SLC24A4: variants seen among roughly 807,000 people sequenced by gnomAD.
SLC24A4 encodes solute carrier family 24 member 4, also known as sodium/potassium/calcium exchanger 4.
Under a neutral mutation model 79.0 loss-of-function variants are expected in SLC24A4, and 53 were observed. The observed-to-expected ratio is 0.67, with a 90% CI of 0.54 to 0.84. The LOEUF is 0.84. Among genes scored for constraint, SLC24A4 ranks in the 40% least tolerant of loss-of-function variants. The probability of loss-of-function intolerance (pLI) is 0.00; values close to 1 mark genes in which losing one functional copy is unlikely to be tolerated. For missense variants in SLC24A4, 731 were observed against 822.0 expected (o/e 0.89, Z 1.35); for synonymous variants, 323 against 323.8 (o/e 1.00, Z 0.03).
chr14:92,416,060 G>A (rs1890964419), intron 2 of SLC24A4, among the ~76,000 whole-genome samples: 1 of 152,092 alleles, frequency 6.6e-6, no homozygotes, highest in Non-Finnish European at 1.5e-5. Flanking sequence ...AAACTCTGTG[G>A]AGATGTAGAG....
chr14:92,358,283 T>C (rs1887293005), intron 2 of SLC24A4, among the ~76,000 whole-genome samples: 1 of 152,176 alleles, frequency 6.6e-6, no homozygotes, highest in Admixed American at 6.5e-5. Context: ...AAAGAGCAAA[T>C]GGTGACCCAT....
intron 2 of SLC24A4, among the ~76,000 whole-genome samples, chr14:92,404,208 C>T (rs941366207): frequency 1.3e-5 from 2 of 152,214 alleles, no homozygotes; most frequent in Admixed American, 6.5e-5. Flanking sequence ...ATGCTACCAT[C>T]GTCTCTGGCT....
chr14:92,423,767 GGT>G (rs1891417435), intron 2 of SLC24A4, among the ~76,000 whole-genome samples: 1 of 152,236 alleles, frequency 6.6e-6, no homozygotes, highest in Admixed American at 6.5e-5. Context: ...GCAGGCTTCA[GGT>G]GTGCCCTGGG....
At chr14:92,489,530 G>A (rs990349416) in intron 14 of SLC24A4, among the ~76,000 whole-genome samples, 15 of 152,098 alleles carry the variant, frequency 9.9e-5, no homozygotes, top group South Asian at 2.1e-4. Context: ...GCTCTAACCC[G>A]AGGCACCATA....
intron 2 of SLC24A4, among the ~76,000 whole-genome samples, chr14:92,404,340 T>TA (rs1455867071): frequency 2.0e-5 from 3 of 152,216 alleles, no homozygotes; most frequent in Non-Finnish European, 2.9e-5. Flanking sequence ...TTTTTTTGCT[T>TA]AAACTGTCCA....
intron 3 of SLC24A4, among the ~76,000 whole-genome samples, chr14:92,438,959 C>A (rs1595280968): frequency 6.6e-6 from 1 of 152,182 alleles, no homozygotes; most frequent in African/African-American, 2.4e-5. Context: ...CCCCCAGCCA[C>A]CAGTCACCTC....
At chr14:92,405,508 T>C (rs4904893) in intron 2 of SLC24A4, among the ~76,000 whole-genome samples, 60,693 of 151,970 alleles carry the variant, frequency 0.4, 12,247 homozygotes, top group African/African-American at 0.43. Context: ...ACTGCTATAA[T>C]GAACCACCTG....
At chr14:92,474,871 T>A (rs1211289796) in intron 12 of SLC24A4, among the ~76,000 whole-genome samples, 32 of 73,110 alleles carry the variant, frequency 4.4e-4, no homozygotes, top group Non-Finnish European at 6.9e-4. Flanking sequence ...ATATTTTTTT[T>A]TTTTTTAGTA....
chr14:92,481,223 T>C (rs1895054265), intron 12 of SLC24A4, among the ~76,000 whole-genome samples: 1 of 152,244 alleles, frequency 6.6e-6, no homozygotes. Context: ...GCCCTGTGCA[T>C]GCTCATGGTC....
intron 2 of SLC24A4, among the ~76,000 whole-genome samples, chr14:92,361,380 A>G (rs1473045572): frequency 6.6e-6 from 1 of 151,944 alleles, no homozygotes; most frequent in Non-Finnish European, 1.5e-5. Context: ...GGCTTGGGAA[A>G]GTGCAAAGGA....
chr14:92,326,088 T>C lies in SLC24A4; in HGVS notation c.241+110T>C, dbSNP rs941645. On this transcript the variant is annotated intron_variant, in intron 2 of 16. Coordinates refer to ENST00000532405, the MANE Select transcript of SLC24A4 (RefSeq NM_153646.4). ...GAGCTGAGAAAGGTGGTTTATGGAC[T>C]TGAGTGGGAAAGGGTGGCCATGAGG... 681,138 of 690,984 alleles carry C rather than the reference T, an allele frequency of 0.99. 336,298 individuals are homozygous for C. Among genetic ancestry groups the C allele is most frequent in the East Asian group, 1 (36,252 of 36,252 alleles). 42.8% of individuals were successfully genotyped at this position (690,984 alleles called of 1,614,324 possible).
At chr14:92,473,367 G>A (rs1255583145) in intron 12 of SLC24A4, among the ~76,000 whole-genome samples, 4 of 152,226 alleles carry the variant, frequency 2.6e-5, no homozygotes, top group African/African-American at 7.2e-5. Context: ...AGGATGAGGA[G>A]GCCAAGGCCC....
chr14:92,454,426 A>G (rs1893335707), intron 11 of SLC24A4, among the ~76,000 whole-genome samples: 1 of 152,256 alleles, frequency 6.6e-6, no homozygotes, highest in Admixed American at 6.5e-5. Context: ...GAACAACTCC[A>G]GAAGGAAATC....
intron 12 of SLC24A4, among the ~76,000 whole-genome samples, chr14:92,469,882 A>C (rs1343365116): frequency 3.9e-5 from 6 of 152,168 alleles, no homozygotes; most frequent in Non-Finnish European, 2.9e-5. Context: ...ACAGAAAATT[A>C]ATTAGTGGTT....
chr14:92,421,919 T>C (rs1325614656), intron 2 of SLC24A4, among the ~76,000 whole-genome samples: 7 of 152,224 alleles, frequency 4.6e-5, no homozygotes, highest in African/African-American at 1.7e-4. Flanking sequence ...GGGCAGCCGT[T>C]TAGAATTCCT....
intron 6 of SLC24A4, 144 bp from the exon 7 acceptor site, chr14:92,443,256 T>TATAAC: frequency 1.3e-6 from 1 of 743,930 alleles, no homozygotes; most frequent in Non-Finnish European, 2.3e-6. Context: ...TTCCCCAAAT[T>TATAAC]ATAACAAAGA....
At chr14:92,401,112 A>G (rs986160296) in intron 2 of SLC24A4, among the ~76,000 whole-genome samples, 1 of 152,130 alleles carries the variant, frequency 6.6e-6, no homozygotes, top group African/African-American at 2.4e-5. Flanking sequence ...ATAAAGAGAA[A>G]AGACTACAGC....
rs75002685 is a variant in SLC24A4 at position 92,427,894 on chromosome 14, A to G, written c.242-6018A>G. Reference sequence around the variant, plus strand: ...AGGTGGAGTCTTCATGGTTGGGCTTAGCGCCCTTATAAAAGAGACCCCAGA... The same window carrying G: ...AGGTGGAGTCTTCATGGTTGGGCTTGGCGCCCTTATAAAAGAGACCCCAGA... On this transcript the variant is annotated intron_variant, in intron 2 of 16. Transcript: ENST00000532405. 8.5e-3 allele frequency among the ~76,000 whole-genome samples: 1,289 copies of G among 152,188 alleles called. 21 individuals carry two copies. The highest frequency in any genetic ancestry group is 0.03 in the African/African-American group (1,230 of 41,518).
chr14:92,349,081 A>T (rs1017283609), intron 2 of SLC24A4, among the ~76,000 whole-genome samples: 2 of 143,498 alleles, frequency 1.4e-5, no homozygotes, highest in Non-Finnish European at 3.1e-5. Flanking sequence ...TCTTCCAGGT[A>T]AAAAAAAAAA....
Sources: allele counts gnomAD v4.1 joint callset (sites outside exome capture counted in the v4.1 genomes callset), GRCh38; gene constraint gnomAD v4.1.1; transcripts MANE v1.5; gene names NCBI Gene and HGNC (gene_info 2026-07-23, HGNC 2026-07-21).